RTN4RL1: variants seen among roughly 807,000 people sequenced by gnomAD.
The protein encoded by RTN4RL1 is reticulon-4 receptor-like 1.
A neutral mutation model predicts 25.6 loss-of-function variants in RTN4RL1; 7 were observed. The ratio of observed to expected loss-of-function variants is 0.27; its 90% CI spans 0.16 to 0.51. The LOEUF (loss-of-function observed/expected upper bound fraction) is 0.51, where lower values mean the gene tolerates loss of function less well. RTN4RL1 is among the 20% of genes least tolerant of loss of function. The pLI is 0.97. For synonymous variants in RTN4RL1, 297 were observed against 288.2 expected (o/e 1.03, Z -0.31); for missense variants, 500 against 615.6 (o/e 0.81, Z 1.99).
intron 1 of RTN4RL1, among the ~76,000 whole-genome samples, chr17:1,989,179 C>T (rs999987233): frequency 2.6e-5 from 4 of 151,972 alleles, no homozygotes; most frequent in East Asian, 1.9e-4. Flanking sequence ...GCGGGGGAAA[C>T]GGAGAGGAGG....
intron 1 of RTN4RL1, among the ~76,000 whole-genome samples, chr17:1,980,557 C>G (rs1435370467): frequency 6.6e-6 from 1 of 152,068 alleles, no homozygotes; most frequent in Non-Finnish European, 1.5e-5. Context: ...TTATAGCGTT[C>G]TGTACTTTTC....
chr17:1,958,888 C>T (rs140571799), intron 1 of RTN4RL1, among the ~76,000 whole-genome samples: 81 of 152,354 alleles, frequency 5.3e-4, no homozygotes, highest in Middle Eastern at 6.8e-3. Context: ...TTTCAAACTG[C>T]ATTAGTCAAA....
At chr17:1,981,956 C>A (rs988319328) in intron 1 of RTN4RL1, among the ~76,000 whole-genome samples, 1 of 152,248 alleles carries the variant, frequency 6.6e-6, no homozygotes, top group Admixed American at 6.5e-5. Flanking sequence ...CTGCACAGCA[C>A]GTGCCTGTGC....
At chr17:2,016,524 A>T (rs1276284485) in intron 1 of RTN4RL1, among the ~76,000 whole-genome samples, 2 of 152,234 alleles carry the variant, frequency 1.3e-5, no homozygotes, top group South Asian at 4.1e-4. Context: ...ACACAGCCCC[A>T]GGGTGCCAGC....
chr17:1,983,214 T>G (rs901963447), intron 1 of RTN4RL1, among the ~76,000 whole-genome samples: 4 of 152,128 alleles, frequency 2.6e-5, no homozygotes, highest in East Asian at 1.9e-4. Flanking sequence ...CCCGGCTAAT[T>G]TTTGTGTTTT....
chr17:2,013,327 G>A (rs1488910819), intron 1 of RTN4RL1, among the ~76,000 whole-genome samples: 1 of 152,198 alleles, frequency 6.6e-6, no homozygotes, highest in Non-Finnish European at 1.5e-5. Flanking sequence ...CTAGTGGCAG[G>A]GGCTGTGTAG....
At chr17:1,940,028 C>T (rs564001943) in intron 1 of RTN4RL1, among the ~76,000 whole-genome samples, 7 of 152,332 alleles carry the variant, frequency 4.6e-5, no homozygotes, top group South Asian at 4.1e-4. Flanking sequence ...GCCCTGCTCC[C>T]GGCCTCGTGC....
chr17:1,937,078 C>T lies in RTN4RL1; in HGVS notation c.744G>A (p.Glu248=), dbSNP rs201506888. Reference sequence around the variant, plus strand: ...AGGGGTTGCCGTTGAGGCGGAGGAACTCCAGGGCCCCCAGCGGGGCCAGGC... The same window carrying T: ...AGGGGTTGCCGTTGAGGCGGAGGAATTCCAGGGCCCCCAGCGGGGCCAGGC... The part of the protein sequence containing the change: ...GECLAPLGAL[E]FLRLNGNPWD... The change falls in exon 2 of 2, where the codon GAG becomes GAA. Residue 248 remains glutamate, a synonymous_variant. Coordinates refer to ENST00000331238, the MANE Select transcript of RTN4RL1 (RefSeq NM_178568.4). 2.1e-5 allele frequency: 33 copies of T among 1,606,022 alleles called. No individual in the cohort carries two copies. The Admixed American group carries it at 2.4e-4, about 12-fold the overall frequency.
intron 1 of RTN4RL1, among the ~76,000 whole-genome samples, chr17:1,947,062 CTG>C (rs1459037239): frequency 1.3e-5 from 1 of 75,678 alleles, no homozygotes; most frequent in Non-Finnish European, 3.1e-5. Flanking sequence ...GTGAATGTGT[CTG>C]TGTGTGCACG....
chr17:1,958,605 T>G (rs1915836707), intron 1 of RTN4RL1, among the ~76,000 whole-genome samples: 1 of 152,210 alleles, frequency 6.6e-6, no homozygotes, highest in Non-Finnish European at 1.5e-5. Context: ...GAGGTGGGGC[T>G]GAAGGTCAGA....
At chr17:2,023,827 C>T (rs1289795091) in intron 1 of RTN4RL1, among the ~76,000 whole-genome samples, 3 of 152,300 alleles carry the variant, frequency 2.0e-5, no homozygotes, top group Non-Finnish European at 2.9e-5. Context: ...AGGGATCAGG[C>T]CCCTCGGCTA....
At chr17:1,952,840 G>T (rs1282013478) in intron 1 of RTN4RL1, among the ~76,000 whole-genome samples, 3 of 151,644 alleles carry the variant, frequency 2.0e-5, no homozygotes, top group Non-Finnish European at 4.4e-5. Flanking sequence ...ACTTTGGGAG[G>T]CTGAGGGGGG....
intron 1 of RTN4RL1, among the ~76,000 whole-genome samples, chr17:1,992,506 G>A (rs1300261386): frequency 6.6e-6 from 1 of 152,216 alleles, no homozygotes; most frequent in African/African-American, 2.4e-5. Flanking sequence ...TAGAGGGATT[G>A]AAGCTTAAGG....
intron 1 of RTN4RL1, among the ~76,000 whole-genome samples, chr17:1,970,959 A>G (rs1324243404): frequency 1.3e-5 from 2 of 152,238 alleles, no homozygotes; most frequent in East Asian, 1.9e-4. Context: ...CTTCTGCAGT[A>G]TATTAATGAC....
chr17:1,978,623 A>G (rs2066853568), intron 1 of RTN4RL1, among the ~76,000 whole-genome samples: 1 of 82,076 alleles, frequency 1.2e-5, no homozygotes, highest in East Asian at 2.8e-4. Flanking sequence ...CAGTTTGCTC[A>G]TCCGGAAAAT....
chr17:2,012,059 C>T (rs2067056769), intron 1 of RTN4RL1, among the ~76,000 whole-genome samples: 1 of 152,142 alleles, frequency 6.6e-6, no homozygotes, highest in South Asian at 2.1e-4. Context: ...TCTTCTCACC[C>T]CAGGCACCAC....
intron 1 of RTN4RL1, among the ~76,000 whole-genome samples, chr17:1,946,874 C>G (rs866910789): frequency 2.1e-5 from 3 of 143,146 alleles, no homozygotes; most frequent in African/African-American, 2.7e-5. Context: ...GCACGTGTGT[C>G]TGTGTCTCTG....
At chr17:1,968,569 A>C (rs1597500829) in intron 1 of RTN4RL1, among the ~76,000 whole-genome samples, 2 of 152,250 alleles carry the variant, frequency 1.3e-5, no homozygotes, top group Middle Eastern at 6.8e-3. Context: ...GCCAACACTC[A>C]TCTGCAGTCA....
intron 1 of RTN4RL1, among the ~76,000 whole-genome samples, chr17:1,981,298 TTGAGC>T (rs1298862367): frequency 6.6e-6 from 1 of 152,188 alleles, no homozygotes; most frequent in Non-Finnish European, 1.5e-5. Flanking sequence ...GGAGGATCAC[TTGAGC>T]TCTGGGGGTC....
Sources: gnomAD v4.1 joint callset for allele counts (sites outside exome capture counted in the v4.1 genomes callset) on GRCh38, gnomAD v4.1.1 for gene constraint, MANE v1.5 for transcripts, NCBI Gene and HGNC (gene_info 2026-07-23, HGNC 2026-07-21) for gene names.